The following MRPS27 variants were observed in gnomAD, a reference collection of about 807,000 sequenced individuals.
MRPS27 encodes the protein small ribosomal subunit protein mS27.
In MRPS27, 43 loss-of-function variants were observed where a neutral mutation model predicts 48.9. The ratio of observed to expected loss-of-function variants is 0.88; its 90% confidence interval spans 0.69 to 1.13. MRPS27 has a LOEUF of 1.13. Among genes scored for constraint, MRPS27 ranks in the 50% most tolerant of loss-of-function variants. The pLI is 0.00. For synonymous variants in MRPS27, 188 were observed against 171.9 expected, an observed-to-expected ratio of 1.09 and a Z score of -0.73; for missense variants, 467 against 476.3, an observed-to-expected ratio of 0.98 and a Z score of 0.18.
rs143801954 is a variant in MRPS27 at position 72,303,235 on chromosome 5, T to C, written c.152-5533A>G. ...CTTTATGGACATATACACCTGTACA[T>C]TGGTCAAAACTGATCAAATTGTACA... On this transcript the variant is annotated intron_variant, in intron 2 of 10. Transcript: ENST00000261413. 5.7e-4 allele frequency among the ~76,000 whole-genome samples: 87 copies of C among 152,326 alleles called. No homozygotes were observed. In the East Asian group the frequency reaches 0.015, roughly 26 times the overall value.
chr5:72,320,190 A>C lies in MRPS27; in HGVS notation c.32T>G (p.Leu11Arg), dbSNP rs771479802. 6.2e-7 allele frequency: 1 copy of C among 1,613,996 alleles called. No individual in the cohort carries two copies. The highest frequency in any genetic ancestry group is 1.6e-4 in the Middle Eastern group (1 of 6,062). The stretch of plus-strand genomic sequence containing the variant: ...AGGAAGAACCACTTGCCGCGCCAGG[A>C]GCATCCCGCGCCGCACTATGGAGGC... MAASIVRRGM[L>R]LARQVVLPQL... The change falls in exon 1 of 11, where the codon CTC becomes CGC. Residue 11 changes from leucine to arginine, a missense_variant. Leu to Arg is a moderately radical substitution (Grantham distance 102). Transcript: ENST00000261413.
chr5:72,241,058 G>A (rs1748338055), intron 4 of MRPS27, among the ~76,000 whole-genome samples: 1 of 152,220 alleles, frequency 6.6e-6, no homozygotes, highest in Admixed American at 6.5e-5. Flanking sequence ...CATTTTGAGA[G>A]ACAAAGTCTC....
chr5:72,242,726 A>T (rs1347015632), intron 4 of MRPS27, among the ~76,000 whole-genome samples: 2 of 150,822 alleles, frequency 1.3e-5, no homozygotes, highest in East Asian at 3.9e-4. Flanking sequence ...CTCATAGCAC[A>T]CATACACACC....
At chr5:72,308,809 C>T (rs1750355396) in intron 2 of MRPS27, among the ~76,000 whole-genome samples, 1 of 152,228 alleles carries the variant, frequency 6.6e-6, no homozygotes, top group Admixed American at 6.5e-5. Context: ...TTTCTTTGTT[C>T]CAAGCAGTGT....
intron 4 of MRPS27, among the ~76,000 whole-genome samples, chr5:72,276,751 G>A (rs1031851987): frequency 2.6e-5 from 4 of 151,542 alleles, no homozygotes; most frequent in South Asian, 2.1e-4. Flanking sequence ...TGAGCAAAGC[G>A]CCAGGCGTGG....
intron 3 of MRPS27, 65 bp from the exon 4 acceptor site, chr5:72,295,654 T>A: frequency 8.2e-7 from 1 of 1,212,176 alleles, no homozygotes; most frequent in Non-Finnish European, 1.2e-6. Flanking sequence ...GCCTAGGGCC[T>A]AGATCACACA....
At chr5:72,243,926 A>T (rs943755037) in intron 4 of MRPS27, among the ~76,000 whole-genome samples, 13 of 152,136 alleles carry the variant, frequency 8.5e-5, no homozygotes, top group African/African-American at 3.1e-4. Context: ...TTTGTAGTCA[A>T]CCTCTCCAGG....
At chr5:72,253,416 T>A (rs1748718966) in intron 4 of MRPS27, among the ~76,000 whole-genome samples, 1 of 152,148 alleles carries the variant, frequency 6.6e-6, no homozygotes. Context: ...AAAGTAATGA[T>A]AAAGAAAATA....
intron 4 of MRPS27, among the ~76,000 whole-genome samples, chr5:72,272,046 AAAGT>A (rs1369971484): frequency 6.6e-6 from 1 of 152,032 alleles, no homozygotes; most frequent in Non-Finnish European, 1.5e-5. Context: ...ACAAACAAAC[AAAGT>A]AAGGATGGTT....
chr5:72,271,470 T>G (rs562958769), intron 4 of MRPS27, among the ~76,000 whole-genome samples: 6 of 152,074 alleles, frequency 3.9e-5, no homozygotes, highest in African/African-American at 1.2e-4. Flanking sequence ...ACAAAGGCAA[T>G]CTTAAAAAAC....
chr5:72,300,499 A>G (rs1425012018), intron 2 of MRPS27, among the ~76,000 whole-genome samples: 1 of 152,178 alleles, frequency 6.6e-6, no homozygotes, highest in African/African-American at 2.4e-5. Flanking sequence ...CTGGGTGTCT[A>G]ATAGGTATCT....
intron 2 of MRPS27, among the ~76,000 whole-genome samples, chr5:72,304,826 A>G (rs1197787036): frequency 6.6e-6 from 1 of 152,226 alleles, no homozygotes; most frequent in Non-Finnish European, 1.5e-5. Flanking sequence ...TTTCTTTTCT[A>G]CATAACTGCA....
intron 4 of MRPS27, among the ~76,000 whole-genome samples, chr5:72,286,098 GT>G (rs1749664298): frequency 6.6e-6 from 1 of 152,024 alleles, no homozygotes; most frequent in Non-Finnish European, 1.5e-5. Flanking sequence ...TTCTTTGTTA[GT>G]TCCTAAATAT....
chr5:72,257,577 T>C (rs1351921451), intron 4 of MRPS27, among the ~76,000 whole-genome samples: 1 of 152,240 alleles, frequency 6.6e-6, no homozygotes, highest in African/African-American at 2.4e-5. Flanking sequence ...AAATTTCATA[T>C]TCTTGGCTGT....
intron 2 of MRPS27, among the ~76,000 whole-genome samples, chr5:72,297,911 C>A (rs751952645): frequency 2.6e-5 from 4 of 152,012 alleles, no homozygotes; most frequent in Non-Finnish European, 5.9e-5. Flanking sequence ...TTTAAAAAAA[C>A]TTTTTACCAT....
intron 4 of MRPS27, among the ~76,000 whole-genome samples, chr5:72,270,237 T>A (rs887629870): frequency 1.4e-5 from 2 of 140,576 alleles, no homozygotes; most frequent in East Asian, 4.3e-4. Context: ...AATAATAATA[T>A]TAAAATGCCT....
At chr5:72,319,700 G>C (rs181229339) in intron 1 of MRPS27, among the ~76,000 whole-genome samples, 9 of 151,844 alleles carry the variant, frequency 5.9e-5, no homozygotes, top group Admixed American at 2.6e-4. Context: ...CGCGCCACCA[G>C]GCCCAGATAA....
chr5:72,264,598 C>T (rs1397132031), intron 4 of MRPS27, among the ~76,000 whole-genome samples: 2 of 152,086 alleles, frequency 1.3e-5, no homozygotes, highest in Non-Finnish European at 2.9e-5. Flanking sequence ...CAATTGACAT[C>T]CTTAGAGGAA....
At chr5:72,295,077 C>T (rs1749940923) in intron 4 of MRPS27, among the ~76,000 whole-genome samples, 1 of 151,724 alleles carries the variant, frequency 6.6e-6, no homozygotes, top group Non-Finnish European at 1.5e-5. Flanking sequence ...AAATTTTCAC[C>T]TATCAGATTG....
Sources: gnomAD v4.1 joint callset for allele counts (sites outside exome capture counted in the v4.1 genomes callset) on GRCh38, gnomAD v4.1.1 for gene constraint, MANE v1.5 for transcripts, NCBI Gene and HGNC (gene_info 2026-07-23, HGNC 2026-07-21) for gene names.